The following ABCB1 variants were observed in gnomAD, a reference collection of about 807,000 sequenced individuals.
The protein encoded by ABCB1 is ATP-dependent translocase ABCB1.
Under a neutral mutation model 142.0 loss-of-function variants are expected in ABCB1, and 69 were observed. The observed-to-expected ratio is 0.49, with a 90% CI of 0.40 to 0.59. The LOEUF (loss-of-function observed/expected upper bound fraction) is 0.59, where lower values mean the gene tolerates loss of function less well. Among genes scored for constraint, ABCB1 ranks in the 20% least tolerant of loss-of-function variants. The pLI is 0.00. For missense variants in ABCB1, 1,326 were observed against 1,554.7 expected (o/e 0.85, Z 2.47); for synonymous variants, 532 against 539.2 (o/e 0.99, Z 0.18).
intron 8 of ABCB1, among the ~76,000 whole-genome samples, chr7:87,554,238 C>G (rs988466878): frequency 6.6e-6 from 1 of 150,776 alleles, no homozygotes; most frequent in Non-Finnish European, 1.5e-5. Flanking sequence ...GTTTCATACA[C>G]AAGACAAAGT....
chr7:87,566,334 CTAGAG>C (rs1817781298), intron 6 of ABCB1, 93 bp from the exon 7 acceptor site: 1 of 1,294,794 alleles, frequency 7.7e-7, no homozygotes, highest in Admixed American at 1.7e-5. Flanking sequence ...TAGTTTATGG[CTAGAG>C]TATTTTGTGC....
At chr7:87,516,730 CCT>C in intron 23 of ABCB1, 65 bp from the exon 24 acceptor site, 3 of 1,087,490 alleles carry the variant, frequency 2.8e-6, no homozygotes, top group South Asian at 1.5e-5. Context: ...AGCTGACACT[CCT>C]TTTTTTTTTT....
At chr7:87,521,765 A>T (rs1815519492) in intron 21 of ABCB1, 1 of 842,148 alleles carries the variant, frequency 1.2e-6, no homozygotes, top group Non-Finnish European at 2.0e-6. Flanking sequence ...CCAGATGCCC[A>T]CCCAACTGTG....
In ABCB1 at chr7:87,526,043, T is replaced by A. The variant is rs12673269; in HGVS notation, c.2686-5167A>T. The stretch of plus-strand genomic sequence containing the variant: ...TCTCCTATATCTTCTTCCGCATTGT[T>A]TGGCAGTGGTTTGGAAACACTCATC... On this transcript the variant is annotated intron_variant, in intron 21 of 27. Coordinates refer to ENST00000622132, the MANE Select transcript of ABCB1 (RefSeq NM_001348946.2). Among the ~76,000 whole-genome samples the A allele has an allele frequency of 2.2e-3, 329 of 152,302 alleles. 10 individuals carry two copies. In the East Asian group the frequency reaches 0.059, roughly 27 times the overall value.
chr7:87,513,985 C>G (rs1200358883), intron 25 of ABCB1, among the ~76,000 whole-genome samples: 1 of 152,162 alleles, frequency 6.6e-6, no homozygotes, highest in African/African-American at 2.4e-5. Flanking sequence ...AGGACACAAT[C>G]AGAGTTCACA....
chr7:87,578,073 A>G (rs1818347834), intron 4 of ABCB1, among the ~76,000 whole-genome samples: 1 of 152,128 alleles, frequency 6.6e-6, no homozygotes, highest in African/African-American at 2.4e-5. Flanking sequence ...TAAGTCTTTA[A>G]TCCATATTGA....
intron 25 of ABCB1, among the ~76,000 whole-genome samples, chr7:87,514,199 C>A (rs1815134578): frequency 1.3e-5 from 2 of 152,200 alleles, no homozygotes; most frequent in Admixed American, 6.5e-5. Context: ...AGCGTCCATA[C>A]ACAGCGGGTG....
chr7:87,686,777 A>G (rs1349169023), intron 1 of ABCB1, among the ~76,000 whole-genome samples: 3 of 134,000 alleles, frequency 2.2e-5, no homozygotes, highest in Non-Finnish European at 3.2e-5. Context: ...CCGCCTCTAG[A>G]AAAAAAAAAA....
intron 4 of ABCB1, among the ~76,000 whole-genome samples, chr7:87,577,299 C>T (rs13226726): frequency 0.071 from 10,819 of 152,110 alleles, 619 homozygotes; most frequent in Non-Finnish European, 0.11. Context: ...ATCATAATTT[C>T]TTCATCCATT....
intron 4 of ABCB1, among the ~76,000 whole-genome samples, chr7:87,581,644 G>A (rs978466826): frequency 6.6e-6 from 1 of 152,154 alleles, no homozygotes; most frequent in African/African-American, 2.4e-5. Context: ...GTTAATTAAG[G>A]CAAAGTATTG....
At chr7:87,679,558 T>G (rs1047061480) in intron 1 of ABCB1, among the ~76,000 whole-genome samples, 4 of 149,900 alleles carry the variant, frequency 2.7e-5, no homozygotes, top group African/African-American at 9.9e-5. Flanking sequence ...CCCAGCTAAT[T>G]TTTTGATTTT....
chr7:87,617,975 A>G (rs1048928498), intron 1 of ABCB1, among the ~76,000 whole-genome samples: 1 of 152,130 alleles, frequency 6.6e-6, no homozygotes, highest in Non-Finnish European at 1.5e-5. Context: ...TCCTCCAGCC[A>G]CAGGCCATTT....
Position 87,507,683 on chromosome 7 carries a change from G to A in ABCB1, c.3489+1592C>T, listed in dbSNP as rs527372183. Among the ~76,000 whole-genome samples, 7 of 152,230 alleles carry A rather than the reference G, an allele frequency of 4.6e-5. No homozygotes were observed. The South Asian group carries it at 1.2e-3, about 27-fold the overall frequency. Reference sequence around the variant, plus strand: ...CCACCTGGTGTTGCTTGCCTGCCTCGTGAGGAAACTGTCTTCCCCGCCGGG... The same window carrying A: ...CCACCTGGTGTTGCTTGCCTGCCTCATGAGGAAACTGTCTTCCCCGCCGGG... On this transcript the variant is annotated intron_variant, in intron 26 of 27. Transcript: ENST00000622132.
At chr7:87,613,746 G>A (rs536391577) in intron 1 of ABCB1, among the ~76,000 whole-genome samples, 1 of 152,286 alleles carries the variant, frequency 6.6e-6, no homozygotes, top group South Asian at 2.1e-4. Flanking sequence ...TGGGAACTAT[G>A]CTCACTACCT....
At chr7:87,674,605 C>T (rs1028953479) in intron 1 of ABCB1, among the ~76,000 whole-genome samples, 9 of 152,078 alleles carry the variant, frequency 5.9e-5, no homozygotes, top group African/African-American at 1.7e-4. Context: ...TGAGGCAAGT[C>T]TGCCTTGGGG....
At chr7:87,539,489 C>A (rs1173442029) in intron 18 of ABCB1, 144 bp from the exon 19 acceptor site, 3 of 865,062 alleles carry the variant, frequency 3.5e-6, no homozygotes, top group Non-Finnish European at 5.7e-6. Flanking sequence ...TGACTGTGTG[C>A]CATGGCACAA....
chr7:87,556,727 A>G (rs772025120), intron 8 of ABCB1, among the ~76,000 whole-genome samples: 25 of 152,086 alleles, frequency 1.6e-4, no homozygotes, highest in Non-Finnish European at 3.2e-4. Context: ...GAGACCCATT[A>G]CAGACAAACA....
intron 1 of ABCB1, among the ~76,000 whole-genome samples, chr7:87,637,043 T>C (rs1182196811): frequency 6.6e-6 from 1 of 152,140 alleles, no homozygotes; most frequent in African/African-American, 2.4e-5. Flanking sequence ...TCGTGAGCTC[T>C]TACTCACTAT....
intron 21 of ABCB1, 118 bp downstream of exon 21, chr7:87,531,176 T>C (rs1386879385): frequency 7.6e-6 from 7 of 925,976 alleles, no homozygotes; most frequent in South Asian, 2.8e-5. Context: ...AAAGATTGCT[T>C]TGAGGAATGG....
Sources: gnomAD v4.1 joint callset for allele counts (sites outside exome capture counted in the v4.1 genomes callset) on GRCh38, gnomAD v4.1.1 for gene constraint, MANE v1.5 for transcripts, NCBI Gene and HGNC (gene_info 2026-07-23, HGNC 2026-07-21) for gene names.